NKPD1: variants seen among roughly 807,000 people sequenced by gnomAD.
NKPD1 encodes NTPase KAP family P-loop domain containing 1.
Under a neutral mutation model 42.2 loss-of-function variants are expected in NKPD1, and 37 were observed. The ratio of observed to expected loss-of-function variants is 0.88; its 90% CI spans 0.67 to 1.15. NKPD1 has a LOEUF of 1.15. Ranked by LOEUF, NKPD1 falls within the 50% of genes most tolerant of loss-of-function variation. The probability of loss-of-function intolerance (pLI) is 0.00; values close to 1 mark genes in which losing one functional copy is unlikely to be tolerated. For synonymous variants in NKPD1, 552 were observed against 536.5 expected, an observed-to-expected ratio of 1.03 and a Z score of -0.40; for missense variants, 1,113 against 1,174.6, an observed-to-expected ratio of 0.95 and a Z score of 0.77.
At chr19:45,159,756 C>T (rs1351828381) in intron 2 of NKPD1, among the ~76,000 whole-genome samples, 1 of 152,206 alleles carries the variant, frequency 6.6e-6, no homozygotes, top group East Asian at 1.9e-4. Flanking sequence ...CTACCCCTCA[C>T]TCCCAGCACA....
intron 4 of NKPD1, among the ~76,000 whole-genome samples, chr19:45,155,271 T>C (rs1453610665): frequency 1.3e-5 from 2 of 151,606 alleles, no homozygotes; most frequent in African/African-American, 4.9e-5. Context: ...TGAGCCAAGA[T>C]CGCACCATTG....
chr19:45,157,595 T>G (rs1328412144), intron 3 of NKPD1, among the ~76,000 whole-genome samples: 1 of 152,154 alleles, frequency 6.6e-6, no homozygotes, highest in African/African-American at 2.4e-5. Context: ...ATTTTATCTT[T>G]TGTAGATACA....
At chr19:45,155,948 G>C (rs1432856163) in intron 3 of NKPD1, 32 bp from the exon 4 acceptor site, 2 of 1,296,406 alleles carry the variant, frequency 1.5e-6, no homozygotes, top group Non-Finnish European at 1.0e-6. Flanking sequence ...ACTGAGTCAG[G>C]ACCACTGGCC....
intron 3 of NKPD1, among the ~76,000 whole-genome samples, chr19:45,157,524 T>C (rs1031940197): frequency 2.0e-5 from 3 of 150,906 alleles, no homozygotes; most frequent in Admixed American, 2.0e-4. Flanking sequence ...GGATCCTCCT[T>C]CTTCAGCCTC....
At chr19:45,159,993 C>T (rs1405210597) in intron 2 of NKPD1, 67 bp downstream of exon 2, 2 of 893,830 alleles carry the variant, frequency 2.2e-6, no homozygotes, top group Admixed American at 2.7e-5. Flanking sequence ...CCTTCTGTTC[C>T]TCCATTCACT....
At position 45,152,198 on chromosome 19, in the gene NKPD1, C is replaced by G. The variant is rs1278330601; in HGVS notation, c.2239G>C (p.Asp747His). The change falls in exon 5 of 5, where the codon GAC becomes CAC. Residue 747 changes from aspartate (D) to histidine (H), a missense_variant. Around this residue, in one of 3 missense-constraint regions of NKPD1, gnomAD observed 867 missense variants for 870.1 expected, o/e 1.00. Transcript: ENST00000686631. ...QSLLRCTVNLDHSIRRRMGLI... is the reference protein window; with the variant it reads ...QSLLRCTVNLHHSIRRRMGLI... ...CCCATGCGCCGGCGGATGGAGTGGT[C>G]CAGGTTGACCGTGCAGCGCAGCAGG... is the stretch of plus-strand genomic sequence containing the variant. 2 of 1,597,172 alleles carry G rather than the reference C, an allele frequency of 1.3e-6. No homozygotes were observed. Among genetic ancestry groups the G allele is most frequent in the African/African-American group, 1.3e-5 (1 of 74,708 alleles).
intron 3 of NKPD1, among the ~76,000 whole-genome samples, chr19:45,157,567 A>C (rs1968926763): frequency 6.6e-6 from 1 of 151,854 alleles, no homozygotes; most frequent in Non-Finnish European, 1.5e-5. Flanking sequence ...GTGCATCACT[A>C]TGCTGGGCTA....
intron 2 of NKPD1, 84 bp downstream of exon 2, chr19:45,159,976 C>G: frequency 2.7e-6 from 2 of 734,598 alleles, no homozygotes; most frequent in Non-Finnish European, 4.0e-6. Flanking sequence ...CTGGGGATGA[C>G]AGCTCCCCTT....
chr19:45,159,838 G>A (rs188519295), intron 2 of NKPD1, among the ~76,000 whole-genome samples: 1,623 of 152,308 alleles, frequency 0.011, 17 homozygotes, highest in Non-Finnish European at 0.018. Context: ...CAGGCCAGGC[G>A]GCCCCTGCTT....
At chr19:45,159,732 G>C (rs914366928) in intron 2 of NKPD1, among the ~76,000 whole-genome samples, 1 of 152,134 alleles carries the variant, frequency 6.6e-6, no homozygotes, top group Non-Finnish European at 1.5e-5. Flanking sequence ...TGTTCAGTGG[G>C]GGGGCTCCCT....
Position 45,158,951 on chromosome 19 carries a change from G to A in NKPD1, c.241C>T (p.Gln81Ter), listed in dbSNP as rs1471563849. ...TGGGACTGGGGCTGCCGCTGCTGCTGCAGGACGGAGGGCAGGAGGCCCCGG... is the reference window on the plus strand; with the variant it reads ...TGGGACTGGGGCTGCCGCTGCTGCTACAGGACGGAGGGCAGGAGGCCCCGG... ...WRRGLLPSVLQQQRQPQSQPS... is the reference protein window; with the variant it reads ...WRRGLLPSVL The change falls in exon 3 of 5, where the codon CAG (glutamine) becomes TAG (stop). Residue 81 changes from glutamine (Q) to a stop codon, truncating the protein, a stop_gained. Transcript: ENST00000686631. LOFTEE classifies it high-confidence loss of function. The surrounding 1 kb of genome is among the most constrained non-coding windows in gnomAD (Gnocchi z 4.6). The A allele has an allele frequency of 1.5e-6, 2 of 1,300,392 alleles. No homozygotes were observed. Among genetic ancestry groups the A allele is most frequent in the Non-Finnish European group, 2.0e-6 (2 of 987,866 alleles). The allele number at this position is 1,300,392 out of a possible 1,614,324, so 80.6% of individuals were successfully genotyped here.
intron 3 of NKPD1, among the ~76,000 whole-genome samples, chr19:45,157,779 C>T (rs1179717066): frequency 7.2e-6 from 1 of 139,784 alleles, no homozygotes; most frequent in Non-Finnish European, 1.5e-5. Context: ...GGCTGGAGTG[C>T]AGTGGTGTCA....
In NKPD1 at chr19:45,158,831, C is replaced by T; in HGVS notation, c.361G>A (p.Ala121Thr). Residue 121 changes from alanine (A) to threonine (T), a missense_variant, in exon 3 of 5, where the codon GCC becomes ACC. By Grantham distance (58) the Ala-to-Thr change is moderately conservative (BLOSUM62 0). Coordinates refer to ENST00000686631, the MANE Select transcript of NKPD1 (RefSeq NM_198478.4). This position sits in a 1 kb window ranked among gnomAD's most constrained non-coding sequence, Gnocchi z 4.6. ...AAGGTGGGCGCCTGAGGGGCGCTGG[C>T]AGGTTCCTTGGGGACAGTGGAGGTT... ...PATSTVPKEPASAPQAPTLPT... is the reference protein window; with the variant it reads ...PATSTVPKEPTSAPQAPTLPT... 4 of 1,278,836 alleles carry T rather than the reference C, an allele frequency of 3.1e-6. No homozygotes were observed. The highest frequency in any genetic ancestry group is 4.1e-6 in the Non-Finnish European group (4 of 976,788). The allele number at this position is 1,278,836 out of a possible 1,614,324, so 79.2% of individuals were successfully genotyped here.
chr19:45,152,232 C>T lies in NKPD1; in HGVS notation c.2205G>A (p.Glu735=). 2 of 1,605,392 alleles carry T rather than the reference C, an allele frequency of 1.2e-6. No individual in the cohort carries two copies. Among genetic ancestry groups the T allele is most frequent in the Non-Finnish European group, 1.7e-6 (2 of 1,176,914 alleles). ...CCGTGCAGCGCAGCAGGCTCTGCGC[C>T]TCGGCCACGGTGAAGGGGAAGTCGG... The part of the protein sequence containing the change: ...LGADFPFTVA[E]AQSLLRCTVN... Residue 735 remains glutamate, a synonymous_variant, in exon 5 of 5, where the codon GAG becomes GAA. Transcript: ENST00000686631.
chr19:45,152,186 G>A lies in NKPD1; in HGVS notation c.2251C>T (p.Arg751Cys). Reference sequence around the variant, plus strand: ...GCTCGGATGAGACCCATGCGCCGGCGGATGGAGTGGTCCAGGTTGACCGTG... The same window carrying A: ...GCTCGGATGAGACCCATGCGCCGGCAGATGGAGTGGTCCAGGTTGACCGTG... ...RCTVNLDHSIRRRMGLIRAVS... is the reference protein window; with the variant it reads ...RCTVNLDHSICRRMGLIRAVS... Residue 751 changes from arginine to cysteine, a missense_variant, in exon 5 of 5, where the codon CGC becomes TGC. By Grantham distance (180) the Arg-to-Cys change is radical (BLOSUM62 -3). This residue lies in a region of NKPD1 where 867 missense variants were observed against 870.1 expected (regional missense o/e 1.00). Transcript: ENST00000686631. 8.8e-6 allele frequency: 14 copies of A among 1,594,788 alleles called. No homozygotes were observed. The highest frequency in any genetic ancestry group is 1.1e-5 in the Non-Finnish European group (13 of 1,172,264).
chr19:45,162,502 C>T (rs973664272), upstream of NKPD1, among the ~76,000 whole-genome samples: 7 of 152,040 alleles, frequency 4.6e-5, no homozygotes, highest in Non-Finnish European at 1.0e-4. Context: ...CAGATGCGAG[C>T]GGGGTGGGAG....
chr19:45,152,888 G>C lies in NKPD1; in HGVS notation c.1549C>G (p.Leu517Val). The C allele has an allele frequency of 6.3e-7, 1 of 1,585,468 alleles. No individual in the cohort carries two copies. Among genetic ancestry groups the C allele is most frequent in the South Asian group, 1.1e-5 (1 of 88,386 alleles). ...NMKGTADNGY[L>V]FLNRTVTLPF... ...AGCGTGACAGTGCGGTTGAGGAAGA[G>C]GTAGCCGTTATCGGCCGTGCCCTTC... is the stretch of plus-strand genomic sequence containing the variant. Residue 517 changes from leucine to valine, a missense_variant, in exon 5 of 5, where the codon CTC becomes GTC. Physicochemically the swap from Leu to Val is conservative, Grantham distance 32 (BLOSUM62 1). Coordinates refer to ENST00000686631, the MANE Select transcript of NKPD1 (RefSeq NM_198478.4).
Position 45,152,367 on chromosome 19 carries a change from GAGGCGCGCGCGGCCCTC to G in NKPD1, c.2053_2069del (p.Glu685LeufsTer164), listed in dbSNP as rs1387616726. On this transcript the variant is annotated frameshift_variant, in exon 5 of 5. Transcript: ENST00000686631. LOFTEE classifies it low-confidence loss of function (END_TRUNC). ...GGCTGTTGTCGCGGAAAACGTCCCAGAGGCGCGCGCGGCCCTCGGGCGCGCCCCCGGTCTGCTGCCGG... is the reference window on the plus strand; with the variant it reads ...GGCTGTTGTCGCGGAAAACGTCCCAGGGGCGCGCCCCCGGTCTGCTGCCGG... 1.9e-6 allele frequency: 3 copies of G among 1,596,646 alleles called. No individual in the cohort carries two copies. Among genetic ancestry groups the G allele is most frequent in the Non-Finnish European group, 2.6e-6 (3 of 1,172,130 alleles).
chr19:45,155,020 AT>A lies in NKPD1; in HGVS notation c.661+764del, dbSNP rs1401822650. On this transcript the variant is annotated intron_variant, in intron 4 of 4. Transcript: ENST00000686631. ...AGCCTGGGCGACAGAGTGAGACTCC[AT>A]TTAAAAAAAAAAAAAAAAAAAAGGC... Among the ~76,000 whole-genome samples, 8 of 75,402 alleles carry A rather than the reference AT, an allele frequency of 1.1e-4. No individual in the cohort carries two copies. In the South Asian group the frequency reaches 1.4e-3, roughly 14 times the overall value. 49.5% of individuals were successfully genotyped at this position (75,402 alleles called of 152,430 possible). A position where few individuals can be genotyped will look rare whatever the true frequency, so the allele number is the denominator to read the frequency against.
Sources: allele counts gnomAD v4.1 joint callset (sites outside exome capture counted in the v4.1 genomes callset), GRCh38; gene constraint gnomAD v4.1.1; regional missense constraint gnomAD v4.1.1; non-coding constraint Gnocchi (gnomAD v3.1); transcripts MANE v1.5; gene names NCBI Gene and HGNC (gene_info 2026-07-23, HGNC 2026-07-21).